NUP42: variants seen among roughly 807,000 people sequenced by gnomAD.
NUP42 encodes the protein nucleoporin 42.
A neutral mutation model predicts 35.9 loss-of-function variants in NUP42; 47 were observed. The observed-to-expected ratio is 1.31, with a 90% CI of 1.04 to 1.67. The LOEUF (loss-of-function observed/expected upper bound fraction) is 1.67, where lower values mean the gene tolerates loss of function less well. Among genes scored for constraint, NUP42 ranks in the 40% most tolerant of loss-of-function variants. The pLI is 0.00. For missense variants in NUP42, 514 were observed against 492.2 expected (o/e 1.04, Z -0.42); for synonymous variants, 173 against 173.3 (o/e 1.00, Z 0.01).
chr7:23,197,834 G>T (rs1220699231), intron 5 of NUP42, among the ~76,000 whole-genome samples: 1 of 148,320 alleles, frequency 6.7e-6, no homozygotes, highest in Non-Finnish European at 1.5e-5. Flanking sequence ...AGAGAAACCA[G>T]ACCAAAAAAA....
intron 5 of NUP42, 153 bp from the exon 6 acceptor site, chr7:23,199,305 G>T (rs1292952943): frequency 3.3e-6 from 2 of 601,584 alleles, no homozygotes; most frequent in Non-Finnish European, 6.0e-6. Flanking sequence ...ACCCTCCTCA[G>T]CCTCCCAAAG....
intron 3 of NUP42, among the ~76,000 whole-genome samples, chr7:23,191,205 G>T (rs936164795): frequency 6.6e-6 from 1 of 152,212 alleles, no homozygotes; most frequent in African/African-American, 2.4e-5. Flanking sequence ...GCCAGATCAT[G>T]TTGGGCCTAA....
chr7:23,188,962 G>A (rs1785696025), intron 3 of NUP42, among the ~76,000 whole-genome samples: 1 of 152,186 alleles, frequency 6.6e-6, no homozygotes, highest in South Asian at 2.1e-4. Flanking sequence ...CTTCCTTTAT[G>A]AAGAGATAAA....
chr7:23,192,080 G>A (rs539605720), intron 3 of NUP42, among the ~76,000 whole-genome samples: 9 of 152,156 alleles, frequency 5.9e-5, no homozygotes, highest in South Asian at 2.1e-4. Context: ...TATTTCTTTC[G>A]AAACATATAC....
At chr7:23,192,533 C>G (rs1474622852) in intron 3 of NUP42, among the ~76,000 whole-genome samples, 6 of 120,808 alleles carry the variant, frequency 5.0e-5, no homozygotes, top group Non-Finnish European at 9.7e-5. Context: ...GGCAACAGAG[C>G]AAGACTTCAT....
At chr7:23,191,327 C>T (rs1019069767) in intron 3 of NUP42, among the ~76,000 whole-genome samples, 1 of 152,038 alleles carries the variant, frequency 6.6e-6, no homozygotes, top group East Asian at 1.9e-4. Flanking sequence ...TGTTGGGAGC[C>T]GTGGCAAAAG....
intron 3 of NUP42, among the ~76,000 whole-genome samples, chr7:23,191,513 A>C (rs867403781): frequency 1.3e-4 from 20 of 152,182 alleles, no homozygotes; most frequent in African/African-American, 4.8e-4. Context: ...TTGGCCTGAG[A>C]GGTCAGTAAA....
At chr7:23,198,699 G>A (rs1464705909) in intron 5 of NUP42, among the ~76,000 whole-genome samples, 1 of 152,166 alleles carries the variant, frequency 6.6e-6, no homozygotes, top group East Asian at 1.9e-4. Flanking sequence ...CAGGGAATGG[G>A]AAATGTTTAA....
chr7:23,196,562 A>G (rs746584238), intron 4 of NUP42, 118 bp from the exon 5 acceptor site: 2 of 726,180 alleles, frequency 2.8e-6, no homozygotes, highest in Non-Finnish European at 4.6e-6. Context: ...GTCATGGGCC[A>G]TAAAACTGTT....
chr7:23,194,287 C>T (rs951432630), intron 3 of NUP42: 1 of 152,730 alleles, frequency 6.5e-6, no homozygotes, highest in African/African-American at 2.4e-5. Flanking sequence ...GCTGTCACCT[C>T]TCACCTATAC....
chr7:23,183,368 C>T (rs931200196), intron 1 of NUP42, among the ~76,000 whole-genome samples: 1 of 152,044 alleles, frequency 6.6e-6, no homozygotes, highest in African/African-American at 2.4e-5. Flanking sequence ...TACGGGTGCC[C>T]GCCACCATGC....
Position 23,185,107 on chromosome 7 carries a change from A to G in NUP42, c.159A>G (p.Arg53=), listed in dbSNP as rs376551952. The G allele has an allele frequency of 1.2e-6, 2 of 1,614,122 alleles. No individual in the cohort carries two copies. Among genetic ancestry groups the G allele is most frequent in the South Asian group, 1.1e-5 (1 of 91,082 alleles). Residue 53 remains arginine (R), a synonymous_variant, in exon 2 of 7, where the codon AGA becomes AGG. Transcript: ENST00000258742. ...NRRGWNTTSQ[R]YSNVIQPSSF... is the part of the protein sequence containing the mutation. ...GTGGATGGAATACAACTAGCCAGAG[A>G]TATTCCAATGTCATCCAGCCATCCA...
chr7:23,191,752 G>A (rs1032704179), intron 3 of NUP42, among the ~76,000 whole-genome samples: 3 of 152,182 alleles, frequency 2.0e-5, no homozygotes, highest in Non-Finnish European at 4.4e-5. Context: ...TTGGGAGGCT[G>A]AGGCAGGTGG....
intron 3 of NUP42, chr7:23,187,957 C>T (rs952664738): frequency 4.9e-6 from 3 of 609,670 alleles, no homozygotes; most frequent in African/African-American, 3.9e-5. Flanking sequence ...TCTCTCTGGC[C>T]TGGAATAGCA....
At chr7:23,187,282 AG>A (rs1329467014) in intron 3 of NUP42, 136 bp downstream of exon 3, 2 of 591,940 alleles carry the variant, frequency 3.4e-6, no homozygotes, top group Non-Finnish European at 5.9e-6. Context: ...AAAGTATTCG[AG>A]TATTCTAGCC....
At chr7:23,187,937 T>TG in intron 3 of NUP42, 1 of 258,968 alleles carries the variant, frequency 3.9e-6, no homozygotes, top group East Asian at 7.4e-5. Flanking sequence ...ATATTCTCTG[T>TG]CTCTCTCTCT....
In NUP42 at chr7:23,186,519, A is replaced by T. The variant is rs150435329; in HGVS notation, c.351-533A>T. Among the ~76,000 whole-genome samples the T allele has an allele frequency of 2.2e-3, 332 of 152,348 alleles. 1 individual carries two copies. The highest frequency in any genetic ancestry group is 7.6e-3 in the African/African-American group (315 of 41,596). On this transcript the variant is annotated intron_variant, in intron 2 of 6. Coordinates refer to ENST00000258742, the MANE Select transcript of NUP42 (RefSeq NM_007342.3). Reference sequence around the variant, plus strand: ...GATGTGGGTCTGTTTCCCCTGTTGCAAAATGTGAGAATTAGATAAAATGAT... The same window carrying T: ...GATGTGGGTCTGTTTCCCCTGTTGCTAAATGTGAGAATTAGATAAAATGAT...
intron 3 of NUP42, among the ~76,000 whole-genome samples, chr7:23,193,945 C>T (rs1562608556): frequency 6.6e-6 from 1 of 152,254 alleles, no homozygotes; most frequent in Non-Finnish European, 1.5e-5. Flanking sequence ...TGCTGAGGAC[C>T]CAGCACACCC....
intron 3 of NUP42, among the ~76,000 whole-genome samples, chr7:23,194,084 C>G (rs1785920048): frequency 6.6e-6 from 1 of 152,174 alleles, no homozygotes; most frequent in Non-Finnish European, 1.5e-5. Context: ...CCCTGGGTAG[C>G]TCTGGTTGCC....
Sources: allele counts gnomAD v4.1 joint callset (sites outside exome capture counted in the v4.1 genomes callset), GRCh38; gene constraint gnomAD v4.1.1; transcripts MANE v1.5; gene names NCBI Gene and HGNC (gene_info 2026-07-23, HGNC 2026-07-21).